The following RALGPS1 variants were observed in gnomAD, a reference collection of about 807,000 sequenced individuals.
RALGPS1 encodes the protein ras-specific guanine nucleotide-releasing factor RalGPS1.
A neutral mutation model predicts 78.8 loss-of-function variants in RALGPS1; 19 were observed. That is an observed-to-expected ratio of 0.24 (90% CI 0.17 to 0.35). RALGPS1 has a LOEUF of 0.35. Among genes scored for constraint, RALGPS1 ranks in the 10% least tolerant of loss-of-function variants. RALGPS1 has a pLI of 1.00. For synonymous variants in RALGPS1, 228 were observed against 256.3 expected, an observed-to-expected ratio of 0.89 and a Z score of 1.06; for missense variants, 454 against 688.3, an observed-to-expected ratio of 0.66 and a Z score of 3.81.
chr9:126,945,817 G>A (rs1283290097), intron 1 of RALGPS1, among the ~76,000 whole-genome samples: 1 of 152,224 alleles, frequency 6.6e-6, no homozygotes, highest in Non-Finnish European at 1.5e-5. Context: ...CTGCTTCTGT[G>A]TGATAAGGTC....
In RALGPS1 at chr9:126,914,977, T is replaced by A. The variant is rs2033948589; in HGVS notation, c.-66+2T>A. 6.7e-6 allele frequency: 1 copy of A among 149,838 alleles called. No homozygotes were observed. The allele number at this position is 149,838 out of a possible 1,614,324, so 9.3% of individuals were successfully genotyped here. On this transcript the variant is annotated splice_donor_variant, in intron 1 of 18. Transcript: ENST00000259351. LOFTEE classifies it low-confidence loss of function (5UTR_SPLICE). ...GCAGCCACTGCGGCCCGCGTCAAGG[T>A]GACCGGCCGGGACTGCGGCGGCGGG...
chr9:127,095,704 G>C (rs568583253), intron 8 of RALGPS1, among the ~76,000 whole-genome samples: 20 of 152,196 alleles, frequency 1.3e-4, no homozygotes, highest in Non-Finnish European at 2.8e-4. Context: ...GGTATACTCA[G>C]CTTTTCTGGT....
intron 2 of RALGPS1, among the ~76,000 whole-genome samples, chr9:126,963,754 T>C (rs545064945): frequency 2.0e-5 from 3 of 152,320 alleles, no homozygotes; most frequent in African/African-American, 7.2e-5. Flanking sequence ...ATCACACAGC[T>C]GCCATGTGGG....
intron 7 of RALGPS1, among the ~76,000 whole-genome samples, chr9:127,058,754 A>G (rs1268080947): frequency 2.0e-5 from 3 of 152,200 alleles, no homozygotes; most frequent in Non-Finnish European, 4.4e-5. Context: ...GTCAGGTGCT[A>G]GACATGCCAC....
chr9:127,211,764 G>T lies in RALGPS1; in HGVS notation c.1248-367G>T, dbSNP rs1238657811. On this transcript the variant is annotated intron_variant, in intron 14 of 18. Transcript: ENST00000259351. The surrounding 1 kb of genome is among the most constrained non-coding windows in gnomAD (Gnocchi z 5.0). ...CCAGAAGGAGGGGCTGCTGGAGCTG[G>T]GGCTTCACAGGCACCAGCTCCTCAG... is the stretch of plus-strand genomic sequence containing the variant. 1.3e-5 allele frequency among the ~76,000 whole-genome samples: 2 copies of T among 152,176 alleles called. No homozygotes were observed. Among genetic ancestry groups the T allele is most frequent in the East Asian group, 3.9e-4 (2 of 5,182 alleles).
chr9:126,955,450 T>C (rs531570663), intron 1 of RALGPS1, among the ~76,000 whole-genome samples: 3 of 152,358 alleles, frequency 2.0e-5, no homozygotes, highest in African/African-American at 4.8e-5. Context: ...GATATTTTCA[T>C]GTCACATAAC....
At chr9:127,063,841 T>C (rs1407864874) in intron 7 of RALGPS1, among the ~76,000 whole-genome samples, 1 of 152,270 alleles carries the variant, frequency 6.6e-6, no homozygotes, top group Non-Finnish European at 1.5e-5. Context: ...ATTTGGTCTT[T>C]TGCCCAAGAA....
At chr9:127,079,860 G>C (rs2051012434) in intron 8 of RALGPS1, 1 of 152,220 alleles carries the variant, frequency 6.6e-6, no homozygotes, top group Non-Finnish European at 1.5e-5. Context: ...AAGATGCTAA[G>C]TTTCAGAATA....
chr9:126,978,628 T>G (rs995747050), intron 4 of RALGPS1, among the ~76,000 whole-genome samples: 2 of 149,050 alleles, frequency 1.3e-5, no homozygotes, highest in African/African-American at 4.9e-5. Context: ...AAAAAGTAGC[T>G]GAATAGGCTG....
At chr9:127,052,982 T>G in intron 7 of RALGPS1, 43 bp downstream of exon 7, 1 of 1,340,070 alleles carries the variant, frequency 7.5e-7, no homozygotes, top group Non-Finnish European at 1.1e-6. Flanking sequence ...GGCTATCATT[T>G]CATTGGTGAA....
chr9:127,109,565 C>T (rs939390371), intron 8 of RALGPS1, among the ~76,000 whole-genome samples: 24 of 152,230 alleles, frequency 1.6e-4, no homozygotes, highest in African/African-American at 5.5e-4. Flanking sequence ...GTCCTGACCA[C>T]TGCAACGTGA....
chr9:127,207,853 C>T (rs1284650537), intron 14 of RALGPS1, among the ~76,000 whole-genome samples: 3 of 152,228 alleles, frequency 2.0e-5, no homozygotes, highest in African/African-American at 4.8e-5. Flanking sequence ...GGTCGCTCCC[C>T]GTGGCTCCAG....
chr9:127,073,095 T>A (rs1014153105), intron 8 of RALGPS1, among the ~76,000 whole-genome samples: 1 of 152,206 alleles, frequency 6.6e-6, no homozygotes, highest in African/African-American at 2.4e-5. Context: ...GAACATTTCA[T>A]GTCCTCTCTT....
chr9:126,982,369 C>T (rs2041323706), intron 4 of RALGPS1, among the ~76,000 whole-genome samples: 1 of 152,154 alleles, frequency 6.6e-6, no homozygotes. Flanking sequence ...GGGTAAGTCA[C>T]GTCACCTCTC....
At chr9:126,964,553 G>A (rs1028478068) in intron 2 of RALGPS1, among the ~76,000 whole-genome samples, 1 of 152,068 alleles carries the variant, frequency 6.6e-6, no homozygotes, top group Non-Finnish European at 1.5e-5. Context: ...TCAGTAAAAC[G>A]AAGTTATTCG....
At chr9:127,207,178 C>T (rs1042657235) in intron 14 of RALGPS1, among the ~76,000 whole-genome samples, 14 of 152,038 alleles carry the variant, frequency 9.2e-5, no homozygotes, top group Non-Finnish European at 2.1e-4. Flanking sequence ...ATCGTTATCC[C>T]ATCATCTCAT....
At chr9:127,055,716 C>T (rs540186404) in intron 7 of RALGPS1, among the ~76,000 whole-genome samples, 42 of 152,228 alleles carry the variant, frequency 2.8e-4, no homozygotes, top group Non-Finnish European at 1.2e-4. Flanking sequence ...AACCACCATA[C>T]CCCACTGAAC....
chr9:127,030,948 A>G (rs556417998), intron 4 of RALGPS1, among the ~76,000 whole-genome samples: 1 of 152,316 alleles, frequency 6.6e-6, no homozygotes, highest in Non-Finnish European at 1.5e-5. Context: ...AGGTCTCAGC[A>G]GCACCTGGTA....
At chr9:127,198,131 G>A (rs989223781) in intron 13 of RALGPS1, among the ~76,000 whole-genome samples, 3 of 152,192 alleles carry the variant, frequency 2.0e-5, no homozygotes, top group African/African-American at 7.2e-5. Context: ...CCTCAAGTTG[G>A]GGAATTGAAA....
Sources: gnomAD v4.1 joint callset for allele counts (sites outside exome capture counted in the v4.1 genomes callset) on GRCh38, gnomAD v4.1.1 for gene constraint, Gnocchi (gnomAD v3.1) non-coding constraint, MANE v1.5 for transcripts, NCBI Gene and HGNC (gene_info 2026-07-23, HGNC 2026-07-21) for gene names.